Variants in WWC2 observed in about 807,000 individuals in gnomAD.
WWC2 encodes the protein WW and C2 domain containing 2, also known as protein WWC2.
Under a neutral mutation model 138.5 loss-of-function variants are expected in WWC2, and 101 were observed. That is an observed-to-expected ratio of 0.73 (90% CI 0.62 to 0.86). The LOEUF is 0.86. Ranked by LOEUF, WWC2 falls within the 40% of genes least tolerant of loss-of-function variation. The pLI, the probability that WWC2 is intolerant of heterozygous loss-of-function variation, is 0.00. For synonymous variants in WWC2, 558 were observed against 538.4 expected, an observed-to-expected ratio of 1.04 and a Z score of -0.50; for missense variants, 1,420 against 1,419.4, an observed-to-expected ratio of 1.00 and a Z score of -0.01.
chr4:183,233,657 C>G (rs953323314), intron 4 of WWC2: 1 of 152,258 alleles, frequency 6.6e-6, no homozygotes, highest in African/African-American at 2.4e-5. Flanking sequence ...TTCTGATGGC[C>G]AATTCCATTT....
intron 1 of WWC2, among the ~76,000 whole-genome samples, chr4:183,182,131 T>G (rs917260523): frequency 1.3e-5 from 2 of 152,010 alleles, no homozygotes; most frequent in Non-Finnish European, 2.9e-5. Context: ...TTATAGAGAT[T>G]TTTTAAAGTC....
In WWC2 at chr4:183,319,768, C is replaced by T. The variant is rs771820593; in HGVS notation, c.*4039C>T. On this transcript the variant is annotated 3_prime_UTR_variant, in exon 23 of 23. Coordinates refer to ENST00000403733, the MANE Select transcript of WWC2 (RefSeq NM_024949.6). ...CTGGGGACAAAGTCTGGGACGTTCT[C>T]ATCCCAGAACTCCTGAACCGTCTTG... 1.6e-5 allele frequency: 26 copies of T among 1,613,928 alleles called. No individual in the cohort carries two copies. Among genetic ancestry groups the T allele is most frequent in the South Asian group, 5.5e-5 (5 of 91,072 alleles).
chr4:183,296,920 C>G (rs374633771), intron 21 of WWC2, among the ~76,000 whole-genome samples: 1 of 107,438 alleles, frequency 9.3e-6, no homozygotes, highest in Non-Finnish European at 1.7e-5. Flanking sequence ...GGCAACAGAG[C>G]GAGACTCCGT....
chr4:183,131,106 A>G (rs1478352816), intron 1 of WWC2, among the ~76,000 whole-genome samples: 1 of 152,178 alleles, frequency 6.6e-6, no homozygotes, highest in Non-Finnish European at 1.5e-5. Flanking sequence ...AAAAAGCTCA[A>G]ATGCTGTTTA....
intron 1 of WWC2, among the ~76,000 whole-genome samples, chr4:183,131,251 T>C (rs934691177): frequency 1.3e-5 from 2 of 151,636 alleles, no homozygotes; most frequent in African/African-American, 2.4e-5. Context: ...AATATAAAAT[T>C]ATAATTTTAT....
chr4:183,168,462 A>G (rs1734184473), intron 1 of WWC2, among the ~76,000 whole-genome samples: 1 of 152,208 alleles, frequency 6.6e-6, no homozygotes, highest in South Asian at 2.1e-4. Context: ...AAAATTGGCA[A>G]TCAGACAGAT....
At chr4:183,135,762 C>T (rs1047016010) in intron 1 of WWC2, among the ~76,000 whole-genome samples, 3 of 152,114 alleles carry the variant, frequency 2.0e-5, no homozygotes, top group Admixed American at 6.6e-5. Context: ...GCTGGTTGCA[C>T]GCTCAATTTT....
chr4:183,226,265 T>G (rs1342907760), intron 4 of WWC2, among the ~76,000 whole-genome samples: 2 of 152,110 alleles, frequency 1.3e-5, no homozygotes, highest in African/African-American at 2.4e-5. Context: ...GCCTGGCTAA[T>G]TTTTGTATTT....
At chr4:183,120,245 A>T (rs998915565) in intron 1 of WWC2, among the ~76,000 whole-genome samples, 1 of 152,234 alleles carries the variant, frequency 6.6e-6, no homozygotes, top group Non-Finnish European at 1.5e-5. Context: ...AATGTATATA[A>T]ATTTTATTGA....
At chr4:183,100,946 C>T (rs1045544430) in intron 1 of WWC2, among the ~76,000 whole-genome samples, 15 of 152,190 alleles carry the variant, frequency 9.9e-5, no homozygotes, top group African/African-American at 3.6e-4. Flanking sequence ...TGTCTCCAGA[C>T]GTGCTAGTTG....
intron 1 of WWC2, among the ~76,000 whole-genome samples, chr4:183,151,316 C>G (rs1312773596): frequency 6.6e-6 from 1 of 152,008 alleles, no homozygotes; most frequent in Non-Finnish European, 1.5e-5. Flanking sequence ...TTCATGTGTC[C>G]TTTGGCTGCA....
chr4:183,313,450 C>A (rs1326625258), intron 22 of WWC2, among the ~76,000 whole-genome samples: 1 of 151,950 alleles, frequency 6.6e-6, no homozygotes, highest in African/African-American at 2.4e-5. Flanking sequence ...CCCTGTGGTG[C>A]CAGCGCTCGA....
In WWC2 at chr4:183,099,498, A is replaced by G. The variant is rs1743087871; in HGVS notation, c.7A>G (p.Arg3Gly). Residue 3 changes from arginine to glycine, a missense_variant, in exon 1 of 23, where the codon AGG becomes GGG. By Grantham distance (125) the Arg-to-Gly change is moderately radical (BLOSUM62 -2). Coordinates refer to ENST00000403733, the MANE Select transcript of WWC2 (RefSeq NM_024949.6). Reference protein sequence around the residue: MPRRAGSGQLPLP... With the variant: MPGRAGSGQLPLP... ...GCCGGCGAGGCCGCCGACCATGCCT[A>G]GGAGGGCCGGGAGCGGTCAGCTGCC... is the stretch of plus-strand genomic sequence containing the variant. 2 of 1,350,852 alleles carry G rather than the reference A, an allele frequency of 1.5e-6. No individual in the cohort carries two copies. Among genetic ancestry groups the G allele is most frequent in the Admixed American group, 2.8e-5 (1 of 36,142 alleles). The allele number at this position is 1,350,852 out of a possible 1,614,324, so 83.7% of individuals were successfully genotyped here.
chr4:183,105,628 C>T (rs142231351), intron 1 of WWC2, among the ~76,000 whole-genome samples: 12 of 152,286 alleles, frequency 7.9e-5, no homozygotes, highest in East Asian at 5.8e-4. Context: ...CTGTGGCTCA[C>T]GCCTGTAATC....
At chr4:183,223,951 G>A (rs1371480740) in intron 4 of WWC2, among the ~76,000 whole-genome samples, 1 of 152,132 alleles carries the variant, frequency 6.6e-6, no homozygotes, top group Non-Finnish European at 1.5e-5. Context: ...GGCTGGTCTC[G>A]AACTCCTGAC....
intron 1 of WWC2, among the ~76,000 whole-genome samples, chr4:183,125,340 G>A (rs77889203): frequency 0.011 from 1,655 of 152,190 alleles, 15 homozygotes; most frequent in Non-Finnish European, 0.017. Flanking sequence ...GTCCTGTTTT[G>A]TTATTGTAGC....
chr4:183,185,797 T>G (rs1326676206), intron 1 of WWC2, among the ~76,000 whole-genome samples: 1 of 152,172 alleles, frequency 6.6e-6, no homozygotes, highest in Admixed American at 6.5e-5. Context: ...GCCCAGGCTA[T>G]TCAAATGGAA....
rs1484130691 is a variant in WWC2 at position 183,103,876 on chromosome 4, C to T, written c.131+4254C>T. Among the ~76,000 whole-genome samples the T allele has an allele frequency of 6.1e-5, 9 of 148,346 alleles. No individual in the cohort carries two copies. The South Asian group carries it at 8.6e-4, about 14-fold the overall frequency. ...ATCTCCATCTCCTGACCTTGTGATGCGCCCACCTTGGCCTCCCAAAGTGCT... is the reference window on the plus strand; with the variant it reads ...ATCTCCATCTCCTGACCTTGTGATGTGCCCACCTTGGCCTCCCAAAGTGCT... On this transcript the variant is annotated intron_variant, in intron 1 of 22. Transcript: ENST00000403733.
chr4:183,211,827 ATT>A (rs777315496), intron 4 of WWC2, among the ~76,000 whole-genome samples: 5 of 140,636 alleles, frequency 3.6e-5, no homozygotes, highest in Admixed American at 1.4e-4. Context: ...TATCTTTTGG[ATT>A]TTTTTTTTTT....
Sources: gnomAD v4.1 joint callset for allele counts (sites outside exome capture counted in the v4.1 genomes callset) on GRCh38, gnomAD v4.1.1 for gene constraint, MANE v1.5 for transcripts, NCBI Gene and HGNC (gene_info 2026-07-23, HGNC 2026-07-21) for gene names.